The following CSMD3 variants were observed in gnomAD, a reference collection of about 807,000 sequenced individuals.
CSMD3 encodes CUB and Sushi multiple domains 3.
Under a neutral mutation model 435.2 loss-of-function variants are expected in CSMD3, and 177 were observed. That is an observed-to-expected ratio of 0.41 (90% CI 0.36 to 0.46). The LOEUF is 0.46. CSMD3 is among the 20% of genes least tolerant of loss of function. The pLI is 0.34. For synonymous variants in CSMD3, 1,656 were observed against 1,520.5 expected (o/e 1.09, Z -2.07); for missense variants, 4,265 against 4,504.6 (o/e 0.95, Z 1.52).
At chr8:112,346,332 A>T (rs1055129901) in intron 40 of CSMD3, 119 bp from the exon 41 acceptor site, 1 of 727,966 alleles carries the variant, frequency 1.4e-6, no homozygotes, top group Non-Finnish European at 2.5e-6. Context: ...TATAAATTTG[A>T]ATATTGTCTG....
At chr8:112,951,630 C>A (rs2083815148) in intron 8 of CSMD3, among the ~76,000 whole-genome samples, 1 of 151,588 alleles carries the variant, frequency 6.6e-6, no homozygotes, top group African/African-American at 2.4e-5. Flanking sequence ...TATCTCTTAA[C>A]TAATTTAGCT....
chr8:113,014,019 A>G (rs1277476112), intron 6 of CSMD3, among the ~76,000 whole-genome samples: 3 of 152,120 alleles, frequency 2.0e-5, no homozygotes, highest in African/African-American at 7.2e-5. Context: ...ATTTTTCTGC[A>G]ACAGCTTTAG....
intron 1 of CSMD3, among the ~76,000 whole-genome samples, chr8:113,321,151 T>A (rs992815400): frequency 1.3e-5 from 2 of 152,150 alleles, no homozygotes; most frequent in African/African-American, 4.8e-5. Flanking sequence ...CCCACATTGC[T>A]GCTAAAGTCA....
At chr8:112,467,549 T>C (rs55864406) in intron 32 of CSMD3, among the ~76,000 whole-genome samples, 2,643 of 152,262 alleles carry the variant, frequency 0.017, 78 homozygotes, top group African/African-American at 0.06. Flanking sequence ...TCACCCTTTA[T>C]AGTGGATTGA....
At chr8:112,589,595 T>C (rs779266103) in intron 22 of CSMD3, among the ~76,000 whole-genome samples, 5 of 152,158 alleles carry the variant, frequency 3.3e-5, no homozygotes, top group Non-Finnish European at 7.3e-5. Context: ...ATATATAACA[T>C]GATTAGCACA....
intron 3 of CSMD3, among the ~76,000 whole-genome samples, chr8:113,207,385 C>CT (rs72308827): frequency 0.068 from 9,533 of 139,308 alleles, 397 homozygotes; most frequent in Non-Finnish European, 0.099. Context: ...AATTATTTTT[C>CT]TTTTTTTTTT....
chr8:113,218,502 T>C (rs1380131755), intron 3 of CSMD3, among the ~76,000 whole-genome samples: 1 of 147,830 alleles, frequency 6.8e-6, no homozygotes, highest in South Asian at 2.1e-4. Context: ...TCATGACCAA[T>C]TGAACTTATC....
At chr8:112,269,032 C>T (rs1257286610) in intron 59 of CSMD3, among the ~76,000 whole-genome samples, 2 of 152,116 alleles carry the variant, frequency 1.3e-5, no homozygotes, top group Admixed American at 6.6e-5. Flanking sequence ...CACCCCCTGC[C>T]CCTGCACTGT....
intron 51 of CSMD3, 146 bp downstream of exon 51, chr8:112,305,861 A>G (rs183190776): frequency 2.7e-6 from 2 of 734,550 alleles, no homozygotes; most frequent in African/African-American, 3.5e-5. Context: ...TTCATTGTAC[A>G]AGATAGCTTA....
At chr8:112,379,293 A>C (rs1209322885) in intron 38 of CSMD3, among the ~76,000 whole-genome samples, 1 of 152,156 alleles carries the variant, frequency 6.6e-6, no homozygotes, top group Non-Finnish European at 1.5e-5. Context: ...AACATGGTGA[A>C]ACCCTGTCTC....
At chr8:112,679,426 C>G (rs551803470) in intron 16 of CSMD3, among the ~76,000 whole-genome samples, 1 of 152,258 alleles carries the variant, frequency 6.6e-6, no homozygotes, top group Non-Finnish European at 1.5e-5. Context: ...GGTCCACAAA[C>G]AGGCAGGTGT....
intron 51 of CSMD3, 50 bp from the exon 52 acceptor site, chr8:112,304,965 C>T (rs546812858): frequency 3.9e-5 from 53 of 1,357,910 alleles, no homozygotes; most frequent in South Asian, 2.4e-4. Flanking sequence ...TATATCTCAA[C>T]GTCTATTCCA....
At chr8:112,896,074 T>A (rs1030466215) in intron 10 of CSMD3, among the ~76,000 whole-genome samples, 1 of 151,500 alleles carries the variant, frequency 6.6e-6, no homozygotes, top group Non-Finnish European at 1.5e-5. Flanking sequence ...TTTATCAATT[T>A]GTTCCCAGTG....
chr8:112,717,343 A>C lies in CSMD3; in HGVS notation c.1973-27293T>G, dbSNP rs559188405. On this transcript the variant is annotated intron_variant, in intron 13 of 70. Transcript: ENST00000297405. ...AGCTCAACATCACTGCTCATTAGAG[A>C]AATGCAAATCAAAATCACAATGAGA... Among the ~76,000 whole-genome samples the C allele has an allele frequency of 7.2e-5, 11 of 152,324 alleles. No homozygotes were observed. In the South Asian group the frequency reaches 2.3e-3, roughly 32 times the overall value.
chr8:112,611,184 C>T (rs538735623), intron 22 of CSMD3, among the ~76,000 whole-genome samples: 134 of 152,230 alleles, frequency 8.8e-4, no homozygotes, highest in African/African-American at 3.1e-3. Context: ...AGAAATGCCA[C>T]GCATAATGCA....
intron 3 of CSMD3, among the ~76,000 whole-genome samples, chr8:113,235,866 ACAGG>A (rs917267353): frequency 2.4e-5 from 3 of 127,570 alleles, no homozygotes; most frequent in Admixed American, 7.3e-5. Flanking sequence ...TAGTAACCCT[ACAGG>A]AAGGATACCG....
intron 24 of CSMD3, among the ~76,000 whole-genome samples, chr8:112,558,441 T>A (rs1828323141): frequency 6.6e-6 from 1 of 151,886 alleles, no homozygotes; most frequent in South Asian, 2.1e-4. Flanking sequence ...TATGTCCAAT[T>A]ACATTTCTAC....
At chr8:112,693,586 G>T (rs2076186533) in intron 13 of CSMD3, among the ~76,000 whole-genome samples, 1 of 151,922 alleles carries the variant, frequency 6.6e-6, no homozygotes, top group African/African-American at 2.4e-5. Context: ...TTAAGAGCTA[G>T]GATTCCTTTT....
At chr8:112,412,402 C>T (rs1022358906) in intron 32 of CSMD3, among the ~76,000 whole-genome samples, 5 of 151,974 alleles carry the variant, frequency 3.3e-5, no homozygotes, top group South Asian at 4.1e-4. Flanking sequence ...ATACAGAATT[C>T]CCTGCATCTC....
Sources: gnomAD v4.1 joint callset for allele counts (sites outside exome capture counted in the v4.1 genomes callset) on GRCh38, gnomAD v4.1.1 for gene constraint, MANE v1.5 for transcripts, NCBI Gene and HGNC (gene_info 2026-07-23, HGNC 2026-07-21) for gene names.